TJP1: variants seen among roughly 807,000 people sequenced by gnomAD.
TJP1 encodes tight junction protein ZO-1.
Under a neutral mutation model 194.2 loss-of-function variants are expected in TJP1, and 43 were observed. That is an observed-to-expected ratio of 0.22 (90% CI 0.17 to 0.29). TJP1 has a LOEUF of 0.29. Among genes scored for constraint, TJP1 ranks in the 10% least tolerant of loss-of-function variants. TJP1 has a pLI of 1.00. For synonymous variants in TJP1, 801 were observed against 779.0 expected (o/e 1.03, Z -0.47); for missense variants, 1,971 against 2,185.7 (o/e 0.90, Z 1.96).
At chr15:29,961,670 C>T (rs1309882846) in intron 1 of TJP1, among the ~76,000 whole-genome samples, 1 of 152,146 alleles carries the variant, frequency 6.6e-6, no homozygotes, top group Non-Finnish European at 1.5e-5. Context: ...CGGATGAACA[C>T]AGACCACAGG....
rs2053816544 is a variant in TJP1, at chr15:29,906,468, A to AAATAAATAAATAAAT, written c.306+49763_306+49764insATTTATTTATTTATT. On this transcript the variant is annotated intron_variant, in intron 2 of 28. Coordinates refer to the TJP1 transcript ENST00000356107. The stretch of plus-strand genomic sequence containing the variant: ...GGGCGATAGAGCGAGACTCCGTCTC[A>AAATAAATAAATAAAT]AAATAAATAAATAAATAAATAAATA... 2.2e-5 allele frequency among the ~76,000 whole-genome samples: 3 copies of AAATAAATAAATAAAT among 138,910 alleles called. No individual in the cohort carries two copies. The Admixed American group carries it at 2.2e-4, about 10-fold the overall frequency. The allele number at this position is 138,910 out of a possible 152,430, so 91.1% of individuals were successfully genotyped here. A position where few individuals can be genotyped will look rare whatever the true frequency, so the allele number is the denominator to read the frequency against.
intron 24 of TJP1, 88 bp from the exon 25 acceptor site, chr15:29,709,124 C>T (rs17683205): frequency 0.11 from 143,568 of 1,310,008 alleles, 8,799 homozygotes; most frequent in South Asian, 0.23. Context: ...GTGCTGGAGT[C>T]GAGGCCCAAA....
chr15:29,726,782 T>G lies in TJP1; in HGVS notation c.2310A>C (p.Thr770=). 10 of 1,613,824 alleles carry G rather than the reference T, an allele frequency of 6.2e-6. No individual in the cohort carries two copies. The highest frequency in any genetic ancestry group is 8.5e-6 in the Non-Finnish European group (10 of 1,179,798). ...GAAGGCCTTTATTAACATACTCACT[T>G]GTAAAAAGATGGTGATTATTTTTAC... ...KLRKNNHHLF[T]TTINLNSMND... Residue 770 remains threonine (T), a splice_region_variant and synonymous_variant, in exon 17 of 28, where the codon ACA becomes ACC. Coordinates refer to ENST00000614355, the MANE Select transcript of TJP1 (RefSeq NM_001330239.4).
chr15:29,865,049 G>A (rs578153941), intron 2 of TJP1, among the ~76,000 whole-genome samples: 2 of 152,192 alleles, frequency 1.3e-5, no homozygotes, highest in African/African-American at 4.8e-5. Flanking sequence ...AACCACGAAC[G>A]TTCCTGTGAG....
intron 8 of TJP1, among the ~76,000 whole-genome samples, chr15:29,746,514 T>C (rs1456704742): frequency 6.6e-6 from 1 of 152,158 alleles, no homozygotes; most frequent in Non-Finnish European, 1.5e-5. Flanking sequence ...TGTTTGCACA[T>C]GCCCATGTAC....
chr15:29,890,957 G>A (rs1213377338), intron 2 of TJP1, among the ~76,000 whole-genome samples: 1 of 152,232 alleles, frequency 6.6e-6, no homozygotes, highest in African/African-American at 2.4e-5. Flanking sequence ...AAAGGTATGA[G>A]GGAGGCAAGG....
intron 2 of TJP1, among the ~76,000 whole-genome samples, chr15:29,782,030 T>C (rs1279629754): frequency 6.6e-6 from 1 of 152,084 alleles, no homozygotes; most frequent in East Asian, 1.9e-4. Flanking sequence ...AAAGTTAAAC[T>C]ACCCTGTTTG....
intron 2 of TJP1, among the ~76,000 whole-genome samples, chr15:29,841,851 T>A (rs187332449): frequency 9.2e-5 from 14 of 152,334 alleles, no homozygotes; most frequent in Non-Finnish European, 7.3e-5. Context: ...GTTTGTGGTC[T>A]CTGTCTTCCA....
intron 2 of TJP1, among the ~76,000 whole-genome samples, chr15:29,895,768 A>C (rs920390429): frequency 5.9e-5 from 9 of 152,204 alleles, no homozygotes; most frequent in African/African-American, 1.9e-4. Flanking sequence ...TTATAACAAC[A>C]ACCACACTCC....
intron 2 of TJP1, among the ~76,000 whole-genome samples, chr15:29,785,463 C>A (rs1196567631): frequency 1.3e-5 from 2 of 152,116 alleles, no homozygotes; most frequent in African/African-American, 4.8e-5. Flanking sequence ...AAAAGGTCTG[C>A]CCACCCACTG....
intron 2 of TJP1, among the ~76,000 whole-genome samples, chr15:29,784,131 A>G (rs1323411542): frequency 2.0e-5 from 3 of 152,034 alleles, no homozygotes; most frequent in Non-Finnish European, 2.9e-5. Flanking sequence ...AGTTTAAAAA[A>G]CAAAAAAAAC....
At chr15:29,874,916 A>G (rs976473056) in intron 2 of TJP1, among the ~76,000 whole-genome samples, 1 of 152,236 alleles carries the variant, frequency 6.6e-6, no homozygotes, top group Non-Finnish European at 1.5e-5. Flanking sequence ...AATAATTACA[A>G]GAAGCAAATA....
rs397975539 is a variant in TJP1 at position 29,864,237 on chromosome 15, C to CAAAAAAAAAAAAAAAAAAAAAAAAA, written c.307-63560_307-63536dup. On this transcript the variant is annotated intron_variant, in intron 2 of 28. Transcript: ENST00000356107. ...TGAAACCCCGTCTCTACTAAAAATA[C>CAAAAAAAAAAAAAAAAAAAAAAAAA]AAAAAAAAAAAAAAAAAAAAAAAAA... is the stretch of plus-strand genomic sequence containing the variant. Among the ~76,000 whole-genome samples the CAAAAAAAAAAAAAAAAAAAAAAAAA allele has an allele frequency of 6.3e-4, 12 of 18,944 alleles. 1 individual carries two copies. The highest frequency in any genetic ancestry group is 1.2e-3 in the African/African-American group (8 of 6,662). The allele number at this position is 18,944 out of a possible 152,430, so 12.4% of individuals were successfully genotyped here.
intron 8 of TJP1, among the ~76,000 whole-genome samples, chr15:29,749,728 T>G (rs1380503646): frequency 6.6e-6 from 1 of 152,196 alleles, no homozygotes; most frequent in African/African-American, 2.4e-5. Flanking sequence ...TGAGCACCGT[T>G]GTTCCCTTTC....
At chr15:29,963,873 C>T (rs1272866611) in intron 1 of TJP1, among the ~76,000 whole-genome samples, 1 of 152,096 alleles carries the variant, frequency 6.6e-6, no homozygotes, top group Non-Finnish European at 1.5e-5. Context: ...AGGATGGTCT[C>T]GATCTCTTGA....
At chr15:29,875,393 C>T (rs1004144502) in intron 2 of TJP1, among the ~76,000 whole-genome samples, 1 of 152,112 alleles carries the variant, frequency 6.6e-6, no homozygotes, top group South Asian at 2.1e-4. Flanking sequence ...TTACAGCCGG[C>T]CTTATTGTCT....
intron 8 of TJP1, among the ~76,000 whole-genome samples, chr15:29,754,575 GA>G (rs1024593571): frequency 1.3e-5 from 2 of 150,952 alleles, no homozygotes; most frequent in African/African-American, 2.4e-5. Context: ...ATTTGAAATA[GA>G]AAAAAAAATG....
intron 2 of TJP1, among the ~76,000 whole-genome samples, chr15:29,906,227 C>T (rs2152211132): frequency 6.6e-6 from 1 of 152,180 alleles, no homozygotes; most frequent in Non-Finnish European, 1.5e-5. Context: ...AATCCCAGCA[C>T]TTTGGGAGGC....
At position 29,774,695 on chromosome 15, in the gene TJP1, C is replaced by T. The variant is rs117465280; in HGVS notation, c.85-1338G>A. The stretch of plus-strand genomic sequence containing the variant: ...GGACTCTGGTGATGGTCACACAACT[C>T]GGAACACGCTAAAAACCAATGAACT... On this transcript the variant is annotated intron_variant, in intron 2 of 27. Coordinates refer to ENST00000614355, the MANE Select transcript of TJP1 (RefSeq NM_001330239.4). 4.9e-3 allele frequency among the ~76,000 whole-genome samples: 737 copies of T among 151,422 alleles called. 30 individuals are homozygous for T. In the East Asian group the frequency reaches 0.097, roughly 20 times the overall value.
Sources: allele counts gnomAD v4.1 joint callset (sites outside exome capture counted in the v4.1 genomes callset), GRCh38; gene constraint gnomAD v4.1.1; transcripts MANE v1.5; gene names NCBI Gene and HGNC (gene_info 2026-07-23, HGNC 2026-07-21).